The following MAMDC2 variants were observed in gnomAD, a reference collection of about 807,000 sequenced individuals.
MAMDC2 encodes MAM domain containing 2.
MAMDC2 carries 57 observed loss-of-function variants against 89.8 expected under a neutral mutation model. The ratio of observed to expected loss-of-function variants is 0.63; its 90% CI spans 0.51 to 0.79. MAMDC2 has a LOEUF of 0.79. Among genes scored for constraint, MAMDC2 ranks in the 30% least tolerant of loss-of-function variants. The probability of loss-of-function intolerance (pLI) is 0.00; values close to 1 mark genes in which losing one functional copy is unlikely to be tolerated. For synonymous variants in MAMDC2, 313 were observed against 293.4 expected (o/e 1.07, Z -0.68); for missense variants, 800 against 820.6 (o/e 0.97, Z 0.31).
At chr9:70,172,268 A>C (rs2032371888) in intron 11 of MAMDC2, 1 of 152,252 alleles carries the variant, frequency 6.6e-6, no homozygotes, top group African/African-American at 2.4e-5. Flanking sequence ...GGATAAAGGA[A>C]GAAACAGTCT....
In MAMDC2 at chr9:70,126,208, G is replaced by A; in HGVS notation, c.693G>A (p.Val231=). The change falls in exon 6 of 14, where the codon GTG becomes GTA. Residue 231 remains valine, a synonymous_variant. Transcript: ENST00000377182. ...TTTATGTGAAGCACTTCCAGGAGGT[G>A]GCACAGCTCATCTCCCCGTTGACCA... ...DSVYVKHFQE[V]AQLISPLTTA... 6.2e-7 allele frequency: 1 copy of A among 1,613,908 alleles called. No homozygotes were observed. The highest frequency in any genetic ancestry group is 1.1e-5 in the South Asian group (1 of 91,068).
rs900750240 is a variant in MAMDC2 at position 70,113,105 on chromosome 9, C to A, written c.616C>A (p.Gln206Lys). The A allele has an allele frequency of 1.2e-6, 2 of 1,614,068 alleles. No individual in the cohort carries two copies. Among genetic ancestry groups the A allele is most frequent in the Middle Eastern group, 3.3e-4 (2 of 6,050 alleles). Residue 206 changes from glutamine (Q) to lysine (K), a missense_variant, in exon 5 of 14, where the codon CAG becomes AAG. Transcript: ENST00000377182. ...TCGGAATGTCCACTCCATTCTCCCA[C>A]AGGATCACACCTTCAAGAGTGAACT... Reference protein sequence around the residue: ...SIRNVHSILPQDHTFKSELGH... With the variant: ...SIRNVHSILPKDHTFKSELGH...
intron 7 of MAMDC2, among the ~76,000 whole-genome samples, chr9:70,139,011 TCTTC>T (rs2031100490): frequency 6.6e-6 from 1 of 152,080 alleles, no homozygotes; most frequent in African/African-American, 2.4e-5. Context: ...CCATAAAATC[TCTTC>T]CTTTTCTCTT....
chr9:70,112,876 G>T, intron 4 of MAMDC2, 119 bp from the exon 5 acceptor site: 1 of 1,254,694 alleles, frequency 8.0e-7, no homozygotes, highest in Non-Finnish European at 1.1e-6. Context: ...TGGTAGAAAG[G>T]TTGCAGTGGG....
chr9:70,197,093 C>T (rs1487555238), intron 11 of MAMDC2, among the ~76,000 whole-genome samples: 1 of 152,014 alleles, frequency 6.6e-6, no homozygotes, highest in Non-Finnish European at 1.5e-5. Flanking sequence ...TGAATACAAC[C>T]TCACTGCTTC....
At chr9:70,186,183 C>T (rs2032751386) in intron 11 of MAMDC2, among the ~76,000 whole-genome samples, 1 of 151,786 alleles carries the variant, frequency 6.6e-6, no homozygotes, top group South Asian at 2.1e-4. Context: ...TATATTTATT[C>T]ACATATTTCC....
In MAMDC2 at chr9:70,147,678, C is replaced by T. The variant is rs1314633525; in HGVS notation, c.1404+3859C>T. On this transcript the variant is annotated intron_variant, in intron 9 of 13. Coordinates refer to ENST00000377182, the MANE Select transcript of MAMDC2 (RefSeq NM_153267.5). Reference sequence around the variant, plus strand: ...GACTTCCCAAATTCTCCCAGATACACAATTACTGAACTTTCACATTGTTAT... The same window carrying T: ...GACTTCCCAAATTCTCCCAGATACATAATTACTGAACTTTCACATTGTTAT... 2.0e-5 allele frequency among the ~76,000 whole-genome samples: 3 copies of T among 150,212 alleles called. 1 individual carries two copies. Among genetic ancestry groups the T allele is most frequent in the Admixed American group, 2.0e-4 (3 of 15,036 alleles).
intron 11 of MAMDC2, among the ~76,000 whole-genome samples, chr9:70,211,223 C>T (rs978476623): frequency 6.6e-6 from 1 of 152,182 alleles, no homozygotes; most frequent in Non-Finnish European, 1.5e-5. Context: ...AGACTGTTTT[C>T]CAACTTGGTT....
intron 11 of MAMDC2, chr9:70,217,229 A>G (rs2033464911): frequency 1.2e-6 from 1 of 837,928 alleles, no homozygotes; most frequent in African/African-American, 1.7e-5. Context: ...AGTGGGTACA[A>G]GATCTACCCG....
At chr9:70,225,632 C>T in intron 12 of MAMDC2, 118 bp from the exon 13 acceptor site, 1 of 578,210 alleles carries the variant, frequency 1.7e-6, no homozygotes, top group Non-Finnish European at 3.1e-6. Context: ...TATCCTTTTC[C>T]TTAAAGGGAT....
intron 11 of MAMDC2, chr9:70,194,534 T>G (rs1464212240): frequency 6.6e-6 from 1 of 152,150 alleles, no homozygotes; most frequent in African/African-American, 2.4e-5. Flanking sequence ...CACCTTGATC[T>G]TGGACTTACC....
At chr9:70,212,168 C>T (rs552825368) in intron 11 of MAMDC2, among the ~76,000 whole-genome samples, 3 of 152,210 alleles carry the variant, frequency 2.0e-5, no homozygotes, top group Admixed American at 6.5e-5. Context: ...CAGACAGGGA[C>T]GTTTAAGTCT....
intron 4 of MAMDC2, among the ~76,000 whole-genome samples, chr9:70,111,734 A>C (rs967085453): frequency 1.3e-5 from 2 of 152,222 alleles, no homozygotes; most frequent in Non-Finnish European, 2.9e-5. Flanking sequence ...TCCTGGCAGG[A>C]AGGAGGAAAC....
chr9:70,124,069 A>G (rs752589306), intron 5 of MAMDC2, among the ~76,000 whole-genome samples: 10 of 152,206 alleles, frequency 6.6e-5, no homozygotes, highest in Admixed American at 6.5e-5. Flanking sequence ...TAGGATGGGG[A>G]AAGCCTGCAG....
intron 9 of MAMDC2, among the ~76,000 whole-genome samples, chr9:70,150,261 C>T (rs2118445844): frequency 6.6e-6 from 1 of 152,326 alleles, no homozygotes; most frequent in South Asian, 2.1e-4. Context: ...AGTCACAGAG[C>T]ACCCAAATAA....
Position 70,108,445 on chromosome 9 carries a change from C to T in MAMDC2, c.383C>T (p.Ala128Val), listed in dbSNP as rs745884884. 1.9e-6 allele frequency: 3 copies of T among 1,607,690 alleles called. No individual in the cohort carries two copies. Among genetic ancestry groups the T allele is most frequent in the Admixed American group, 3.4e-5 (2 of 58,474 alleles). Reference protein sequence around the residue: ...AKEPSDSWLIASLDLQNSSKK... With the variant: ...AKEPSDSWLIVSLDLQNSSKK... ...GAACCTTCAGACAGCTGGCTCATAG[C>T]CAGCTTGGATTTGCAAAACAGTTCC... The change falls in exon 3 of 14, where the codon GCC becomes GTC. Residue 128 changes from alanine (A) to valine (V), a missense_variant. By Grantham distance (64) the Ala-to-Val change is moderately conservative. Coordinates refer to ENST00000377182, the MANE Select transcript of MAMDC2 (RefSeq NM_153267.5).
chr9:70,181,966 A>G, intron 11 of MAMDC2, among the ~76,000 whole-genome samples: 1 of 152,166 alleles, frequency 6.6e-6, no homozygotes, highest in South Asian at 2.1e-4. Flanking sequence ...GCTTTTCCCC[A>G]TTCGGTATGA....
intron 11 of MAMDC2, among the ~76,000 whole-genome samples, chr9:70,183,574 C>T (rs958351460): frequency 6.6e-6 from 1 of 152,116 alleles, no homozygotes; most frequent in Non-Finnish European, 1.5e-5. Context: ...CTTCTTGTTG[C>T]ATTGATCCCT....
At chr9:70,140,361 C>T (rs2031172117) in intron 8 of MAMDC2, 73 bp downstream of exon 8, 11 of 1,440,766 alleles carry the variant, frequency 7.6e-6, no homozygotes, top group African/African-American at 3.0e-5. Context: ...CTACTTCACA[C>T]CTGCAAAGAC....
Sources: gnomAD v4.1 joint callset for allele counts (sites outside exome capture counted in the v4.1 genomes callset) on GRCh38, gnomAD v4.1.1 for gene constraint, MANE v1.5 for transcripts, NCBI Gene and HGNC (gene_info 2026-07-23, HGNC 2026-07-21) for gene names.